CHFR: variants seen among roughly 807,000 people sequenced by gnomAD.
CHFR encodes E3 ubiquitin-protein ligase CHFR.
A neutral mutation model predicts 87.6 loss-of-function variants in CHFR; 57 were observed. The observed-to-expected ratio is 0.65, with a 90% CI of 0.53 to 0.81. CHFR has a LOEUF of 0.81. Ranked by LOEUF, CHFR falls within the 30% of genes least tolerant of loss-of-function variation. The pLI is 0.00. For synonymous variants in CHFR, 381 were observed against 359.2 expected (o/e 1.06, Z -0.69); for missense variants, 797 against 865.8 (o/e 0.92, Z 1.00).
chr12:132,875,483 C>T (rs75830925), intron 3 of CHFR, among the ~76,000 whole-genome samples: 31,463 of 151,874 alleles, frequency 0.21, 4,152 homozygotes, highest in Non-Finnish European at 0.3. Context: ...CTGAGCTAGG[C>T]GTGGCGGCGG....
At chr12:132,861,862 G>C (rs1227126677) in intron 6 of CHFR, 1 of 526,176 alleles carries the variant, frequency 1.9e-6, no homozygotes, top group African/African-American at 1.9e-5. Context: ...CCCATTTGCA[G>C]AGAAACAAAT....
In CHFR at chr12:132,838,173, G is replaced by T. The variant is rs1472077154; in HGVS notation, c.*3381C>A. Reference sequence around the variant, plus strand: ...TGGCCACACCCCTGGGGTGAAGGCCGTGTGGTGCTGGGAGCAGCCCCTGGA... The same window carrying T: ...TGGCCACACCCCTGGGGTGAAGGCCTTGTGGTGCTGGGAGCAGCCCCTGGA... On this transcript the variant is annotated 3_prime_UTR_variant, in exon 18 of 18. Transcript: ENST00000450056. 2.0e-5 allele frequency: 3 copies of T among 152,518 alleles called. No individual in the cohort carries two copies. The highest frequency in any genetic ancestry group is 1.9e-4 in the East Asian group (1 of 5,186). 9.4% of individuals were successfully genotyped at this position (152,518 alleles called of 1,614,324 possible).
chr12:132,873,399 T>A (rs567286088), intron 3 of CHFR, among the ~76,000 whole-genome samples: 2 of 152,322 alleles, frequency 1.3e-5, no homozygotes, highest in African/African-American at 4.8e-5. Flanking sequence ...TGTGTCTGAG[T>A]TCTGCTGTTA....
chr12:132,841,732 AGT>A, intron 17 of CHFR, 136 bp from the exon 18 acceptor site: 1 of 759,236 alleles, frequency 1.3e-6, no homozygotes, highest in Non-Finnish European at 2.4e-6. Flanking sequence ...CCTGAGAAAG[AGT>A]GTGTGTGCTT....
intron 16 of CHFR, 141 bp downstream of exon 16, chr12:132,843,886 T>C (rs1352373820): frequency 1.9e-6 from 1 of 537,048 alleles, no homozygotes; most frequent in African/African-American, 1.9e-5. Context: ...GAGGCAGAGG[T>C]TGCAGTGAGC....
chr12:132,861,725 A>G (rs1304065225), intron 6 of CHFR, 91 bp from the exon 7 acceptor site: 18 of 1,233,788 alleles, frequency 1.5e-5, no homozygotes, highest in Non-Finnish European at 2.1e-5. Flanking sequence ...AGCCCAGTGC[A>G]GCTGGCAGCC....
At chr12:132,862,647 G>A (rs1470269216) in intron 6 of CHFR, among the ~76,000 whole-genome samples, 15 of 151,940 alleles carry the variant, frequency 9.9e-5, no homozygotes, top group Admixed American at 9.8e-4. Flanking sequence ...CTGGAGTGCA[G>A]TGGCTCACTG....
intron 10 of CHFR, among the ~76,000 whole-genome samples, chr12:132,855,811 T>A (rs1951054522): frequency 6.6e-6 from 1 of 152,188 alleles, no homozygotes; most frequent in South Asian, 2.1e-4. Flanking sequence ...AACAGTCACA[T>A]GCTAAACTTG....
At chr12:132,864,243 C>T (rs947715103) in intron 6 of CHFR, among the ~76,000 whole-genome samples, 1 of 151,530 alleles carries the variant, frequency 6.6e-6, no homozygotes, top group African/African-American at 2.4e-5. Context: ...TGGGGACAAA[C>T]CACCTCATAT....
At chr12:132,859,003 G>A in intron 8 of CHFR, 65 bp downstream of exon 8, 2 of 1,507,210 alleles carry the variant, frequency 1.3e-6, no homozygotes, top group African/African-American at 1.4e-5. Flanking sequence ...GCCCAGCCCT[G>A]CCCCACACGG....
At chr12:132,855,719 G>A (rs936070977) in intron 10 of CHFR, among the ~76,000 whole-genome samples, 4 of 152,060 alleles carry the variant, frequency 2.6e-5, no homozygotes, top group Non-Finnish European at 4.4e-5. Context: ...TTTTGTTAAC[G>A]ATTATGACAC....
At chr12:132,850,760 G>A (rs914315876) in intron 12 of CHFR, among the ~76,000 whole-genome samples, 4 of 152,058 alleles carry the variant, frequency 2.6e-5, no homozygotes, top group African/African-American at 9.7e-5. Context: ...GAGCAACACC[G>A]GTGTGTGCGG....
chr12:132,853,554 G>A lies in CHFR; in HGVS notation c.1249C>T (p.Arg417Trp), dbSNP rs1435723841. The change falls in exon 11 of 18, where the codon CGG (arginine) becomes TGG (tryptophan). Residue 417 changes from arginine (R) to tryptophan (W), a missense_variant. By Grantham distance (101) the Arg-to-Trp change is moderately radical (BLOSUM62 -3). Transcript: ENST00000450056. ...SDISQPYVVC[R>W]QCPEYRRQAA... ...TGCCTTCTGTACTCAGGACACTGCC[G>A]GCACACGACGTATGGCTGGCTGCAA... 10 of 1,531,586 alleles carry A rather than the reference G, an allele frequency of 6.5e-6. No homozygotes were observed. Among genetic ancestry groups the A allele is most frequent in the Non-Finnish European group, 7.9e-6 (9 of 1,141,632 alleles). 94.9% of individuals were successfully genotyped at this position (1,531,586 alleles called of 1,614,324 possible).
Position 132,859,109 on chromosome 12 carries a change from C to A in CHFR, c.870G>T (p.Leu290=), listed in dbSNP as rs1951153687. 1.2e-6 allele frequency: 2 copies of A among 1,613,990 alleles called. No homozygotes were observed. The highest frequency in any genetic ancestry group is 3.3e-5 in the Admixed American group (2 of 59,984). ...AGKPDKMEET[L]TCIICQDLLH... ...GCAGGTCCTGGCAGATGATGCATGT[C>A]AGCGTCTCCTCCATCTTGTCTGGCT... The change falls in exon 8 of 18, where the codon CTG becomes CTT. Residue 290 remains leucine (L), a synonymous_variant. Coordinates refer to ENST00000450056, the MANE Select transcript of CHFR (RefSeq NM_001161346.2).
At chr12:132,846,067 A>C (rs1950814418) in intron 15 of CHFR, among the ~76,000 whole-genome samples, 1 of 151,982 alleles carries the variant, frequency 6.6e-6, no homozygotes, top group Non-Finnish European at 1.5e-5. Flanking sequence ...CTTTCCTTAA[A>C]AGTTTCTTTT....
Position 132,884,205 on chromosome 12 carries a change from G to A in CHFR, c.133+2991C>T, listed in dbSNP as rs554747431. ...AAGCCGAGGCGGGTGGATCACCTGAGGTCAGGAGTTCAAGACCAGCCTGAC... is the reference window on the plus strand; with the variant it reads ...AAGCCGAGGCGGGTGGATCACCTGAAGTCAGGAGTTCAAGACCAGCCTGAC... On this transcript the variant is annotated intron_variant, in intron 2 of 17. Transcript: ENST00000450056. 4.6e-5 allele frequency among the ~76,000 whole-genome samples: 7 copies of A among 152,120 alleles called. No individual in the cohort carries two copies. The East Asian group carries it at 1.2e-3, about 25-fold the overall frequency.
At position 132,847,056 on chromosome 12, in the gene CHFR, C is replaced by T. The variant is rs1363290036; in HGVS notation, c.1722G>A (p.Val574=). The change falls in exon 15 of 18, where the codon GTG becomes GTA. Residue 574 remains valine (V), a synonymous_variant. Transcript: ENST00000450056. ...AGAAGAACTCACCAGACAGCAGAAACACTCCCCGCTGGAGAGCCACGAGGC... is the reference window on the plus strand; with the variant it reads ...AGAAGAACTCACCAGACAGCAGAAATACTCCCCGCTGGAGAGCCACGAGGC... ...TESLVALQRG[V]FLLSDYRVTG... is the part of the protein sequence containing the mutation. 1 of 1,612,950 alleles carries T rather than the reference C, an allele frequency of 6.2e-7. No homozygotes were observed. Among genetic ancestry groups the T allele is most frequent in the Non-Finnish European group, 8.5e-7 (1 of 1,179,266 alleles).
At chr12:132,853,958 G>A (rs745444684) in intron 10 of CHFR, 3 of 185,598 alleles carry the variant, frequency 1.6e-5, no homozygotes, top group African/African-American at 2.3e-5. Flanking sequence ...GGTGGGCAAC[G>A]TACTGGGAGC....
Position 132,859,191 on chromosome 12 carries a change from G to A in CHFR, c.788C>T (p.Ala263Val). ...GGTTTGGGCATTTCTACGCGGTTGT[G>A]CGACCAACAACTGCCCGTTCAGGTC... ...DLDLNGQLLVAQPRRNAQTVH... is the reference protein window; with the variant it reads ...DLDLNGQLLVVQPRRNAQTVH... The change falls in exon 8 of 18, where the codon GCA becomes GTA. Residue 263 changes from alanine to valine, a missense_variant. Ala to Val is a moderately conservative substitution (Grantham distance 64, BLOSUM62 0). Coordinates refer to ENST00000450056, the MANE Select transcript of CHFR (RefSeq NM_001161346.2). 6.2e-7 allele frequency: 1 copy of A among 1,613,918 alleles called. No homozygotes were observed. The highest frequency in any genetic ancestry group is 8.5e-7 in the Non-Finnish European group (1 of 1,179,910).
Sources: allele counts gnomAD v4.1 joint callset (sites outside exome capture counted in the v4.1 genomes callset), GRCh38; gene constraint gnomAD v4.1.1; transcripts MANE v1.5; gene names NCBI Gene and HGNC (gene_info 2026-07-23, HGNC 2026-07-21).